Variants in P2RX1 observed in about 807,000 individuals in gnomAD.
The protein encoded by P2RX1 is P2X purinoceptor 1.
A neutral mutation model predicts 50.3 loss-of-function variants in P2RX1; 42 were observed. The observed-to-expected ratio is 0.83, with a 90% CI of 0.65 to 1.08. The LOEUF (loss-of-function observed/expected upper bound fraction) is 1.08. Among genes scored for constraint, P2RX1 ranks in the 50% least tolerant of loss-of-function variants. The pLI, the probability that P2RX1 is intolerant of heterozygous loss-of-function variation, is 0.00. For synonymous variants in P2RX1, 199 were observed against 202.6 expected, an observed-to-expected ratio of 0.98 and a Z score of 0.15; for missense variants, 449 against 529.0, an observed-to-expected ratio of 0.85 and a Z score of 1.48.
intron 9 of P2RX1, 85 bp from the exon 10 acceptor site, chr17:3,898,634 C>G: frequency 9.7e-7 from 1 of 1,031,374 alleles, no homozygotes; most frequent in Middle Eastern, 2.2e-4. Flanking sequence ...AGGGGACTTC[C>G]CCACCCTCGG....
intron 7 of P2RX1, 26 bp from the exon 8 acceptor site, chr17:3,899,787 T>G (rs369318901): frequency 1.2e-6 from 2 of 1,611,780 alleles, no homozygotes; most frequent in Non-Finnish European, 1.7e-6. Context: ...GTAGTTAAGA[T>G]CTGGGATTTC....
chr17:3,905,059 C>A, intron 2 of P2RX1, 130 bp from the exon 3 acceptor site: 1 of 1,144,966 alleles, frequency 8.7e-7, no homozygotes. Context: ...CACCCCCTGC[C>A]ACCAACATGG....
At chr17:3,901,568 C>T (rs545007772) in intron 7 of P2RX1, among the ~76,000 whole-genome samples, 1 of 152,232 alleles carries the variant, frequency 6.6e-6, no homozygotes, top group East Asian at 1.9e-4. Flanking sequence ...ATATAGCCGG[C>T]AAAGCTGAAA....
chr17:3,904,246 GCAGGT>G, intron 4 of P2RX1, 79 bp downstream of exon 4: 2 of 1,335,272 alleles, frequency 1.5e-6, no homozygotes, highest in South Asian at 1.2e-5. Flanking sequence ...GTGGAGAGAG[GCAGGT>G]CAGCACCAAG....
chr17:3,899,945 A>G (rs2056106206), intron 7 of P2RX1, among the ~76,000 whole-genome samples, 184 bp from the exon 8 acceptor site: 1 of 152,046 alleles, frequency 6.6e-6, no homozygotes, highest in Admixed American at 6.5e-5. Flanking sequence ...TACTAAAAAT[A>G]CAAAAATTAG....
chr17:3,904,530 T>G (rs2056221869), intron 3 of P2RX1, 131 bp from the exon 4 acceptor site: 1 of 802,028 alleles, frequency 1.2e-6, no homozygotes, highest in Non-Finnish European at 2.1e-6. Flanking sequence ...TGACGCCTGC[T>G]CACAGCCTCC....
Position 3,897,395 on chromosome 17 carries a change from T to G in P2RX1, c.*419A>C. On this transcript the variant is annotated 3_prime_UTR_variant, in exon 12 of 12. Transcript: ENST00000225538. Reference sequence around the variant, plus strand: ...TGGCTAGTTCAGCCGAGGAATTGAATTTTGTGTTTCATTCTATTTTATTTT... The same window carrying G: ...TGGCTAGTTCAGCCGAGGAATTGAAGTTTGTGTTTCATTCTATTTTATTTT... The G allele has an allele frequency of 7.3e-6, 2 of 272,434 alleles. No individual in the cohort carries two copies. The highest frequency in any genetic ancestry group is 7.3e-6 in the Non-Finnish European group (1 of 136,306). The allele number at this position is 272,434 out of a possible 1,614,324, so 16.9% of individuals were successfully genotyped here.
At chr17:3,907,622 T>TCAC (rs1415975183) in intron 1 of P2RX1, among the ~76,000 whole-genome samples, 2 of 152,118 alleles carry the variant, frequency 1.3e-5, no homozygotes, top group African/African-American at 4.8e-5. Context: ...AAGCCCCCTC[T>TCAC]CACCTTGGCA....
chr17:3,904,809 AT>A (rs749046848), intron 3 of P2RX1, 48 bp downstream of exon 3: 8 of 1,428,384 alleles, frequency 5.6e-6, no homozygotes, highest in African/African-American at 2.8e-5. Flanking sequence ...TCTGCACGTC[AT>A]TTTCCCCTGT....
At chr17:3,898,229 C>T in intron 10 of P2RX1, 119 bp from the exon 11 acceptor site, 2 of 928,196 alleles carry the variant, frequency 2.2e-6, no homozygotes, top group Non-Finnish European at 1.7e-6. Flanking sequence ...TCACTGGAGG[C>T]CAGTTTCCTG....
intron 1 of P2RX1, among the ~76,000 whole-genome samples, chr17:3,910,675 G>A (rs908055166): frequency 2.0e-5 from 3 of 152,244 alleles, no homozygotes; most frequent in Admixed American, 6.5e-5. Context: ...CAGATGGGGC[G>A]TGTGCTGTCA....
In P2RX1 at chr17:3,907,290, C is replaced by CGTGTGTGTGTGTGTGTGTGTGT. The variant is rs147411964; in HGVS notation, c.138-1945_138-1924dup. ...GACTCTTTTTGGAGATTCAGGGTAA[C>CGTGTGTGTGTGTGTGTGTGTGT]GTGTGTGTGTGTGTGTGTGTGTGTG... is the stretch of plus-strand genomic sequence containing the variant. On this transcript the variant is annotated intron_variant, in intron 1 of 11. Transcript: ENST00000225538. Among the ~76,000 whole-genome samples the CGTGTGTGTGTGTGTGTGTGTGT allele has an allele frequency of 1.0e-3, 134 of 134,428 alleles. 1 individual carries two copies. Among genetic ancestry groups the CGTGTGTGTGTGTGTGTGTGTGT allele is most frequent in the Middle Eastern group, 3.6e-3 (1 of 276 alleles). The allele number at this position is 134,428 out of a possible 152,430, so 88.2% of individuals were successfully genotyped here.
At chr17:3,902,253 G>A (rs1018193486) in intron 7 of P2RX1, among the ~76,000 whole-genome samples, 7 of 151,894 alleles carry the variant, frequency 4.6e-5, no homozygotes, top group African/African-American at 1.7e-4. Flanking sequence ...AGCCTCCTGA[G>A]TAGCTGGGAT....
chr17:3,901,824 G>C (rs577349815), intron 7 of P2RX1, among the ~76,000 whole-genome samples: 40 of 152,044 alleles, frequency 2.6e-4, no homozygotes, highest in Middle Eastern at 3.4e-3. Context: ...GGCTTCCCAC[G>C]TGCCAGGCAG....
intron 7 of P2RX1, 61 bp from the exon 8 acceptor site, chr17:3,899,822 C>A (rs1030617676): frequency 1.3e-6 from 2 of 1,596,996 alleles, no homozygotes; most frequent in Admixed American, 3.4e-5. Flanking sequence ...CTGTCTCAGC[C>A]GGGCGCAGTG....
At chr17:3,904,159 G>A (rs1458344883) in intron 4 of P2RX1, 135 bp from the exon 5 acceptor site, 8 of 1,009,174 alleles carry the variant, frequency 7.9e-6, no homozygotes, top group South Asian at 2.6e-5. Context: ...GGTCCCGGAC[G>A]GGCAGGCCAA....
chr17:3,899,046 C>T, intron 8 of P2RX1, 22 bp from the exon 9 acceptor site: 1 of 1,572,464 alleles, frequency 6.4e-7, no homozygotes, highest in Non-Finnish European at 8.7e-7. Context: ...GATGAGGTGG[C>T]AGGAGGGTGA....
chr17:3,906,653 C>T (rs1043364233), intron 1 of P2RX1, among the ~76,000 whole-genome samples: 1 of 152,228 alleles, frequency 6.6e-6, no homozygotes, highest in African/African-American at 2.4e-5. Context: ...GGGAGTGGCT[C>T]AGTCGGGAGG....
chr17:3,908,732 G>A (rs2056311356), intron 1 of P2RX1, among the ~76,000 whole-genome samples: 1 of 152,116 alleles, frequency 6.6e-6, no homozygotes, highest in African/African-American at 2.4e-5. Context: ...CCCTCACCAT[G>A]CTTTCTACCT....
Sources: allele counts gnomAD v4.1 joint callset (sites outside exome capture counted in the v4.1 genomes callset), GRCh38; gene constraint gnomAD v4.1.1; transcripts MANE v1.5; gene names NCBI Gene and HGNC (gene_info 2026-07-23, HGNC 2026-07-21).